Variants in CTNNA3 observed in about 807,000 individuals in gnomAD.
CTNNA3 encodes the protein catenin alpha-3.
A neutral mutation model predicts 95.7 loss-of-function variants in CTNNA3; 76 were observed. The observed-to-expected ratio is 0.79, with a 90% confidence interval of 0.66 to 0.96. CTNNA3 has a LOEUF of 0.96. Among genes scored for constraint, CTNNA3 ranks in the 40% least tolerant of loss-of-function variants. The pLI, the probability that CTNNA3 is intolerant of heterozygous loss-of-function variation, is 0.00. For synonymous variants in CTNNA3, 431 were observed against 374.4 expected (o/e 1.15, Z -1.74); for missense variants, 1,191 against 1,089.8 (o/e 1.09, Z -1.31).
At chr10:66,269,814 T>G (rs74573096) in intron 13 of CTNNA3, among the ~76,000 whole-genome samples, 11,010 of 152,226 alleles carry the variant, frequency 0.072, 514 homozygotes, top group Admixed American at 0.12. Flanking sequence ...ACAATTGCCA[T>G]CATCTTTAAA....
chr10:67,534,407 G>A (rs1210406741), intron 4 of CTNNA3, among the ~76,000 whole-genome samples: 1 of 152,122 alleles, frequency 6.6e-6, no homozygotes, highest in Non-Finnish European at 1.5e-5. Context: ...CAAGTGGAGT[G>A]CTAGAGAGAT....
chr10:67,624,540 T>A (rs1843963211), intron 2 of CTNNA3, among the ~76,000 whole-genome samples: 1 of 152,216 alleles, frequency 6.6e-6, no homozygotes, highest in Admixed American at 6.5e-5. Context: ...GTTATGCACA[T>A]TGAAATAAAT....
rs547471935 is a variant in CTNNA3 at position 67,253,687 on chromosome 10, T to C, written c.580-33817A>G. On this transcript the variant is annotated intron_variant, in intron 5 of 17. Transcript: ENST00000433211. ...GAGGTAACCGGCAATGCCAATACCA[T>C]GGGAGATTGTAGCTGTTCCCTGCAG... Among the ~76,000 whole-genome samples the C allele has an allele frequency of 8.5e-5, 13 of 152,252 alleles. No individual in the cohort carries two copies. In the South Asian group the frequency reaches 2.5e-3, roughly 29 times the overall value.
At chr10:66,762,881 A>G (rs544541216) in intron 9 of CTNNA3, among the ~76,000 whole-genome samples, 1 of 152,128 alleles carries the variant, frequency 6.6e-6, no homozygotes, top group South Asian at 2.1e-4. Context: ...TTCTCATTTA[A>G]GTCTTACTTC....
At chr10:67,692,431 T>TGAC (rs1840884032) in intron 1 of CTNNA3, among the ~76,000 whole-genome samples, 1 of 132,810 alleles carries the variant, frequency 7.5e-6, no homozygotes, top group African/African-American at 2.9e-5. Context: ...TGTTGATCTG[T>TGAC]GACCTTACCC....
intron 5 of CTNNA3, among the ~76,000 whole-genome samples, chr10:67,456,132 A>G (rs1296883275): frequency 6.6e-6 from 1 of 152,178 alleles, no homozygotes; most frequent in Non-Finnish European, 1.5e-5. Flanking sequence ...CCAACAAATC[A>G]AAATGGAAGA....
chr10:66,127,271 CAAAAAAA>C (rs35884096), intron 13 of CTNNA3, among the ~76,000 whole-genome samples: 4 of 74,154 alleles, frequency 5.4e-5, no homozygotes, highest in Non-Finnish European at 7.7e-5. Flanking sequence ...GACTCTGTCT[CAAAAAAA>C]AAAAAAAAAA....
chr10:66,564,467 C>T (rs915332245), intron 10 of CTNNA3, among the ~76,000 whole-genome samples: 4 of 152,136 alleles, frequency 2.6e-5, no homozygotes, highest in Admixed American at 6.5e-5. Flanking sequence ...CCTAGCTTCT[C>T]CAAGCCTCTC....
At chr10:67,606,758 A>G in intron 3 of CTNNA3, 99 bp downstream of exon 3, 2 of 968,978 alleles carry the variant, frequency 2.1e-6, no homozygotes, top group Non-Finnish European at 3.1e-6. Context: ...AAGACTAAAA[A>G]ACTGGAGCCA....
intron 2 of CTNNA3, among the ~76,000 whole-genome samples, chr10:67,609,596 T>C (rs1373842833): frequency 1.3e-5 from 2 of 151,800 alleles, no homozygotes; most frequent in African/African-American, 4.8e-5. Context: ...GAGTGGAATG[T>C]CTTGTGGCAG....
intron 12 of CTNNA3, among the ~76,000 whole-genome samples, chr10:66,331,103 G>A (rs1359670498): frequency 1.3e-5 from 2 of 151,890 alleles, no homozygotes; most frequent in Admixed American, 6.6e-5. Flanking sequence ...TGCTTTTGTT[G>A]CCATTGCTTT....
At chr10:66,655,183 T>A (rs913050108) in intron 9 of CTNNA3, among the ~76,000 whole-genome samples, 32 of 152,100 alleles carry the variant, frequency 2.1e-4, no homozygotes, top group African/African-American at 7.7e-4. Flanking sequence ...AAACATCATG[T>A]GGTACATGAT....
chr10:66,461,187 A>C (rs1433531082), intron 11 of CTNNA3, among the ~76,000 whole-genome samples: 1 of 152,098 alleles, frequency 6.6e-6, no homozygotes, highest in African/African-American at 2.4e-5. Context: ...GCATTTCCCC[A>C]GGAATCACTG....
chr10:67,706,726 G>A (rs761873082), intron 1 of CTNNA3, among the ~76,000 whole-genome samples: 4 of 152,092 alleles, frequency 2.6e-5, no homozygotes, highest in Non-Finnish European at 5.9e-5. Context: ...AAAGGGAGAG[G>A]CAACAGAGCA....
chr10:66,856,247 A>G (rs982604053), intron 7 of CTNNA3, among the ~76,000 whole-genome samples: 3 of 152,094 alleles, frequency 2.0e-5, no homozygotes, highest in Non-Finnish European at 4.4e-5. Flanking sequence ...GGCAAAGGAC[A>G]TGATATTTTC....
intron 9 of CTNNA3, among the ~76,000 whole-genome samples, chr10:66,747,303 GA>G (rs1438997141): frequency 1.3e-5 from 2 of 152,124 alleles, no homozygotes. Flanking sequence ...CTACTCTTAG[GA>G]AAATAATAAA....
At chr10:67,484,693 T>G (rs1170428957) in intron 5 of CTNNA3, among the ~76,000 whole-genome samples, 1 of 152,070 alleles carries the variant, frequency 6.6e-6, no homozygotes, top group Admixed American at 6.6e-5. Flanking sequence ...CCAACAAACA[T>G]ATGAAACAAT....
At chr10:67,694,638 A>G (rs1189124949) in intron 1 of CTNNA3, among the ~76,000 whole-genome samples, 1 of 152,166 alleles carries the variant, frequency 6.6e-6, no homozygotes, top group Non-Finnish European at 1.5e-5. Context: ...CAAATTTAAA[A>G]TAACACCACT....
At chr10:67,007,390 T>A (rs1388943159) in intron 7 of CTNNA3, among the ~76,000 whole-genome samples, 2 of 149,702 alleles carry the variant, frequency 1.3e-5, no homozygotes, top group Admixed American at 6.6e-5. Context: ...TTTTATTGGC[T>A]TCAATCTGAC....
Sources: allele counts gnomAD v4.1 joint callset (sites outside exome capture counted in the v4.1 genomes callset), GRCh38; gene constraint gnomAD v4.1.1; transcripts MANE v1.5; gene names NCBI Gene and HGNC (gene_info 2026-07-23, HGNC 2026-07-21).